The following PHF14 variants were observed in gnomAD, a reference collection of about 807,000 sequenced individuals.
The protein encoded by PHF14 is PHD finger protein 14.
PHF14 carries 55 observed loss-of-function variants against 117.9 expected under a neutral mutation model. The observed-to-expected ratio is 0.47, with a 90% confidence interval of 0.38 to 0.58. PHF14 has a LOEUF of 0.58. Ranked by LOEUF, PHF14 falls within the 20% of genes least tolerant of loss-of-function variation. PHF14 has a pLI of 0.00. For missense variants in PHF14, 978 were observed against 1,122.2 expected (o/e 0.87, Z 1.84); for synonymous variants, 409 against 368.6 (o/e 1.11, Z -1.26).
chr7:11,005,459 G>C (rs1348481672), intron 4 of PHF14, among the ~76,000 whole-genome samples: 3 of 152,102 alleles, frequency 2.0e-5, no homozygotes, highest in Non-Finnish European at 4.4e-5. Context: ...GAAGGCCCTT[G>C]TGTATACACA....
intron 13 of PHF14, among the ~76,000 whole-genome samples, chr7:11,049,926 TTTTCTG>T (rs1784797769): frequency 6.6e-6 from 1 of 152,156 alleles, no homozygotes; most frequent in South Asian, 2.1e-4. Flanking sequence ...TACATAAAAG[TTTTCTG>T]AGTAATACAT....
In PHF14 at chr7:11,028,728, C is replaced by T. The variant is rs775430167; in HGVS notation, c.1365C>T (p.Cys455=). 13 of 1,613,594 alleles carry T rather than the reference C, an allele frequency of 8.1e-6. No homozygotes were observed. The highest frequency in any genetic ancestry group is 1.0e-5 in the Non-Finnish European group (12 of 1,179,652). Residue 455 remains cysteine (C), a synonymous_variant, in exon 7 of 18, where the codon TGC becomes TGT. Transcript: ENST00000634607. The part of the protein sequence containing the change: ...EDPRFARTGV[C]ISCDAGMCRA... The stretch of plus-strand genomic sequence containing the variant: ...CTCGCTTTGCTAGAACTGGGGTTTG[C>T]ATTAGCTGTGATGCAGGGATGTGCA...
chr7:11,148,817 G>A (rs1474684482), intron 17 of PHF14, among the ~76,000 whole-genome samples: 5 of 152,110 alleles, frequency 3.3e-5, no homozygotes, highest in Admixed American at 6.6e-5. Flanking sequence ...AAGAAAAAGC[G>A]CTTTCACCAA....
At chr7:11,141,941 A>G (rs1211773676) in intron 17 of PHF14, among the ~76,000 whole-genome samples, 1 of 152,048 alleles carries the variant, frequency 6.6e-6, no homozygotes, top group Non-Finnish European at 1.5e-5. Context: ...TCAAATTATC[A>G]AAATATGAGA....
intron 16 of PHF14, among the ~76,000 whole-genome samples, chr7:11,072,815 T>C (rs1785667984): frequency 6.6e-6 from 1 of 152,164 alleles, no homozygotes; most frequent in Non-Finnish European, 1.5e-5. Context: ...TCAGGAAACT[T>C]ACAATCATGG....
chr7:11,053,747 A>G (rs1443634176), intron 14 of PHF14, among the ~76,000 whole-genome samples: 1 of 152,156 alleles, frequency 6.6e-6, no homozygotes, highest in African/African-American at 2.4e-5. Context: ...GAGATAAAAG[A>G]GAACTCTTTA....
chr7:11,090,994 G>T (rs1046672506), intron 16 of PHF14, among the ~76,000 whole-genome samples: 5 of 152,182 alleles, frequency 3.3e-5, no homozygotes, highest in Admixed American at 6.5e-5. Context: ...AAGAGAATAG[G>T]TAGATTGGGG....
intron 17 of PHF14, among the ~76,000 whole-genome samples, chr7:11,144,351 A>G (rs1283881533): frequency 6.6e-6 from 1 of 152,012 alleles, no homozygotes; most frequent in Admixed American, 6.6e-5. Context: ...TAACCCAGCA[A>G]TCACACTACT....
chr7:11,106,204 C>A lies in PHF14; in HGVS notation c.2655-5146C>A, dbSNP rs141482591. ...GATATAGCTAACTGAATTGATCCCA[C>A]TCTTTAAGTGACTATTAAATACAGA... On this transcript the variant is annotated intron_variant, in intron 16 of 17. Transcript: ENST00000634607. The A allele has an allele frequency of 6.6e-4, 646 of 979,972 alleles. 2 individuals carry two copies. In the African/African-American group the frequency reaches 0.011, roughly 16 times the overall value. The allele number at this position is 979,972 out of a possible 1,614,324, so 60.7% of individuals were successfully genotyped here. A position where few individuals can be genotyped will look rare whatever the true frequency, so the allele number is the denominator to read the frequency against.
chr7:11,107,298 T>G lies in PHF14; in HGVS notation c.2655-4052T>G, dbSNP rs1207319416. ...ATCATTTTTTTCCCTCTTCTTTGTT[T>G]AGGGTGCTATTCTTAATCATATACT... is the stretch of plus-strand genomic sequence containing the variant. On this transcript the variant is annotated intron_variant, in intron 16 of 17. Coordinates refer to ENST00000634607, the MANE Select transcript of PHF14 (RefSeq NM_001007157.2). 5 of 967,298 alleles carry G rather than the reference T, an allele frequency of 5.2e-6. No individual in the cohort carries two copies. The East Asian group carries it at 5.7e-4, about 111-fold the overall frequency. 59.9% of individuals were successfully genotyped at this position (967,298 alleles called of 1,614,324 possible). A position where few individuals can be genotyped will look rare whatever the true frequency, so the allele number is the denominator to read the frequency against.
At chr7:11,114,730 T>C (rs1160241596) in intron 17 of PHF14, among the ~76,000 whole-genome samples, 2 of 152,052 alleles carry the variant, frequency 1.3e-5, no homozygotes. Flanking sequence ...CACACGTATT[T>C]ACATACATGG....
chr7:11,033,352 T>C (rs911897636), intron 7 of PHF14, among the ~76,000 whole-genome samples: 2 of 152,134 alleles, frequency 1.3e-5, no homozygotes, highest in Non-Finnish European at 2.9e-5. Flanking sequence ...CTTCCTTTAG[T>C]CTATTGCACT....
At chr7:11,042,937 C>A in intron 13 of PHF14, 123 bp downstream of exon 13, 1 of 665,716 alleles carries the variant, frequency 1.5e-6, no homozygotes, top group Non-Finnish European at 2.5e-6. Flanking sequence ...TGACTGTCAT[C>A]AATATTTATT....
chr7:11,104,204 A>T, intron 16 of PHF14: 1 of 983,096 alleles, frequency 1.0e-6, no homozygotes, highest in Non-Finnish European at 1.2e-6. Flanking sequence ...ATACTATATT[A>T]TCATCATTTT....
chr7:11,005,866 C>T (rs542164676), intron 4 of PHF14, among the ~76,000 whole-genome samples: 1 of 134,172 alleles, frequency 7.5e-6, no homozygotes, highest in South Asian at 2.3e-4. Context: ...GATCTCGGCT[C>T]ACTGCAACCT....
chr7:11,151,001 T>A (rs539215898), intron 17 of PHF14, among the ~76,000 whole-genome samples: 1 of 152,330 alleles, frequency 6.6e-6, no homozygotes, highest in South Asian at 2.1e-4. Context: ...ACTGTCTTAA[T>A]GGGTTTTCTG....
chr7:11,001,536 CATTT>C (rs887341084), intron 4 of PHF14, among the ~76,000 whole-genome samples: 20 of 152,112 alleles, frequency 1.3e-4, no homozygotes, highest in African/African-American at 4.3e-4. Context: ...ACATAATAAA[CATTT>C]ATTTATTTAG....
At chr7:11,107,462 A>G (rs1787309255) in intron 16 of PHF14, 2 of 819,950 alleles carry the variant, frequency 2.4e-6, no homozygotes, top group Admixed American at 1.3e-4. Flanking sequence ...AGTTGTATTT[A>G]GTAAGAATCT....
chr7:10,990,896 C>T, intron 4 of PHF14, 49 bp downstream of exon 4: 4 of 1,398,192 alleles, frequency 2.9e-6, no homozygotes, highest in Non-Finnish European at 3.9e-6. Context: ...GACTGTGGCT[C>T]TTTTACATTT....
Sources: gnomAD v4.1 joint callset for allele counts (sites outside exome capture counted in the v4.1 genomes callset) on GRCh38, gnomAD v4.1.1 for gene constraint, MANE v1.5 for transcripts, NCBI Gene and HGNC (gene_info 2026-07-23, HGNC 2026-07-21) for gene names.